The following CHRM3 variants were observed in gnomAD, a reference collection of about 807,000 sequenced individuals.
The protein encoded by CHRM3 is muscarinic acetylcholine receptor M3.
A neutral mutation model predicts 41.8 loss-of-function variants in CHRM3; 11 were observed. The observed-to-expected ratio is 0.26, with a 90% CI of 0.17 to 0.44. The LOEUF (loss-of-function observed/expected upper bound fraction) is 0.44. Ranked by LOEUF, CHRM3 falls within the 20% of genes least tolerant of loss-of-function variation. The pLI is 1.00. For missense variants in CHRM3, 571 were observed against 745.4 expected (o/e 0.77, Z 2.72); for synonymous variants, 297 against 301.4 (o/e 0.99, Z 0.15).
chr1:239,649,668 G>A (rs938247716), intron 4 of CHRM3, among the ~76,000 whole-genome samples: 1 of 152,132 alleles, frequency 6.6e-6, no homozygotes, highest in African/African-American at 2.4e-5. Context: ...GGTAACCCAG[G>A]AAGGAAGGAT....
intron 6 of CHRM3, among the ~76,000 whole-genome samples, chr1:239,896,139 C>T (rs967669782): frequency 2.6e-5 from 4 of 152,188 alleles, no homozygotes; most frequent in Non-Finnish European, 5.9e-5. Flanking sequence ...GGGAGAGACA[C>T]AGTGAAGTGC....
chr1:239,867,968 C>G (rs1170454310), intron 6 of CHRM3, among the ~76,000 whole-genome samples: 1 of 152,128 alleles, frequency 6.6e-6, no homozygotes, highest in Non-Finnish European at 1.5e-5. Flanking sequence ...AGGAGCCTGC[C>G]CTCATTTGTC....
intron 6 of CHRM3, among the ~76,000 whole-genome samples, chr1:239,884,271 A>G (rs1251753551): frequency 1.3e-5 from 2 of 152,186 alleles, no homozygotes; most frequent in East Asian, 1.9e-4. Context: ...TCCTCATACA[A>G]GACATACAGA....
Position 239,420,889 on chromosome 1 carries a change from G to A in CHRM3, c.-521+33662G>A, listed in dbSNP as rs138245166. On this transcript the variant is annotated intron_variant, in intron 1 of 6. Coordinates refer to ENST00000676153, the MANE Select transcript of CHRM3 (RefSeq NM_001375978.1). ...ACAGCACTGTGATGTAAATTATTCC[G>A]TCTCACATTTAACCTGTAGGTGTGC... Among the ~76,000 whole-genome samples the A allele has an allele frequency of 1.0e-3, 156 of 152,034 alleles. No homozygotes were observed. The South Asian group carries it at 0.017, about 17-fold the overall frequency.
At chr1:239,681,571 G>A (rs922594542) in intron 5 of CHRM3, among the ~76,000 whole-genome samples, 2 of 152,124 alleles carry the variant, frequency 1.3e-5, no homozygotes, top group Non-Finnish European at 2.9e-5. Context: ...ACATGTATAT[G>A]ACATTCAAGT....
At chr1:239,599,535 A>G (rs1264332190) in intron 3 of CHRM3, among the ~76,000 whole-genome samples, 2 of 150,516 alleles carry the variant, frequency 1.3e-5, no homozygotes, top group East Asian at 3.9e-4. Flanking sequence ...TCCCACCCAT[A>G]CTTCCCACTG....
chr1:239,537,489 C>T (rs1184606058), intron 2 of CHRM3, among the ~76,000 whole-genome samples: 3 of 152,038 alleles, frequency 2.0e-5, no homozygotes, highest in Admixed American at 6.6e-5. Context: ...CCCCCATGAA[C>T]CAAACTTCTC....
intron 5 of CHRM3, among the ~76,000 whole-genome samples, chr1:239,822,083 C>T (rs986396714): frequency 6.6e-6 from 1 of 152,168 alleles, no homozygotes; most frequent in Non-Finnish European, 1.5e-5. Flanking sequence ...TATGAATTAC[C>T]CAGTCTCGGG....
At chr1:239,836,469 G>C (rs1673327575) in intron 6 of CHRM3, among the ~76,000 whole-genome samples, 1 of 152,012 alleles carries the variant, frequency 6.6e-6, no homozygotes, top group Non-Finnish European at 1.5e-5. Context: ...TTCAATTCCA[G>C]TATTTTTCTT....
At chr1:239,876,811 G>A (rs1474725658) in intron 6 of CHRM3, among the ~76,000 whole-genome samples, 1 of 152,158 alleles carries the variant, frequency 6.6e-6, no homozygotes, top group Admixed American at 6.5e-5. Flanking sequence ...CTGACAATCA[G>A]TTCCCTAGTG....
intron 4 of CHRM3, among the ~76,000 whole-genome samples, chr1:239,650,501 C>T (rs1672135607): frequency 6.6e-6 from 1 of 152,204 alleles, no homozygotes. Flanking sequence ...TGGCTTCACT[C>T]TGCAGCCACA....
rs946344678 is a variant in CHRM3, at chr1:239,910,237, C to G, written c.*1013C>G. The G allele has an allele frequency of 6.0e-6, 1 of 165,634 alleles. No individual in the cohort carries two copies. The highest frequency in any genetic ancestry group is 1.5e-5 in the Non-Finnish European group (1 of 67,934). 10.3% of individuals were successfully genotyped at this position (165,634 alleles called of 1,614,324 possible). A position where few individuals can be genotyped will look rare whatever the true frequency, so the allele number is the denominator to read the frequency against. On this transcript the variant is annotated 3_prime_UTR_variant, in exon 7 of 7. Transcript: ENST00000676153. ...TCATCTAAATCTGAATGTTTCAGAACAAAATTTCTGCTATCTAAACTGCTT... is the reference window on the plus strand; with the variant it reads ...TCATCTAAATCTGAATGTTTCAGAAGAAAATTTCTGCTATCTAAACTGCTT...
intron 5 of CHRM3, among the ~76,000 whole-genome samples, chr1:239,739,162 T>A (rs1411264371): frequency 6.6e-6 from 1 of 152,116 alleles, no homozygotes; most frequent in African/African-American, 2.4e-5. Context: ...CAATATTATG[T>A]ATTTGACAGG....
intron 5 of CHRM3, among the ~76,000 whole-genome samples, chr1:239,698,444 A>G (rs1044353105): frequency 6.6e-5 from 10 of 152,188 alleles, no homozygotes; most frequent in Non-Finnish European, 1.2e-4. Flanking sequence ...AGGAACATGC[A>G]TATCTGATAT....
At chr1:239,512,440 G>A (rs1668985431) in intron 2 of CHRM3, among the ~76,000 whole-genome samples, 1 of 152,114 alleles carries the variant, frequency 6.6e-6, no homozygotes, top group African/African-American at 2.4e-5. Flanking sequence ...CCGAGACCTG[G>A]GCCTCCAGAT....
intron 5 of CHRM3, among the ~76,000 whole-genome samples, chr1:239,694,584 A>G (rs1660008586): frequency 6.6e-6 from 1 of 152,238 alleles, no homozygotes; most frequent in African/African-American, 2.4e-5. Flanking sequence ...AACAGTAGAG[A>G]TGATTTCCCT....
rs529593216 is a variant in CHRM3, at chr1:239,462,470, G to T, written c.-520-30239G>T. On this transcript the variant is annotated intron_variant, in intron 1 of 6. Transcript: ENST00000676153. Reference sequence around the variant, plus strand: ...CAGAACATAAATACTTTTCTGTTTTGTTTTTATAATATAATGCATCCCAGG... The same window carrying T: ...CAGAACATAAATACTTTTCTGTTTTTTTTTTATAATATAATGCATCCCAGG... Among the ~76,000 whole-genome samples, 293 of 152,086 alleles carry T rather than the reference G, an allele frequency of 1.9e-3. 1 individual carries two copies. The highest frequency in any genetic ancestry group is 6.5e-3 in the African/African-American group (271 of 41,512).
At chr1:239,874,261 G>A (rs1178758491) in intron 6 of CHRM3, among the ~76,000 whole-genome samples, 1 of 30,616 alleles carries the variant, frequency 3.3e-5, no homozygotes, top group African/African-American at 6.1e-5. Context: ...TATATAGCAA[G>A]ACCTATATAT....
intron 1 of CHRM3, among the ~76,000 whole-genome samples, chr1:239,424,491 C>G (rs1392354327): frequency 1.3e-5 from 2 of 152,186 alleles, no homozygotes; most frequent in Admixed American, 1.3e-4. Context: ...TCAACAAACA[C>G]TTGAATGTGC....
Sources: allele counts gnomAD v4.1 joint callset (sites outside exome capture counted in the v4.1 genomes callset), GRCh38; gene constraint gnomAD v4.1.1; transcripts MANE v1.5; gene names NCBI Gene and HGNC (gene_info 2026-07-23, HGNC 2026-07-21).